Variants in POLR3A observed in about 807,000 individuals in gnomAD.
POLR3A encodes RNA polymerase III subunit A.
A neutral mutation model predicts 152.8 loss-of-function variants in POLR3A; 112 were observed. The observed-to-expected ratio is 0.73, with a 90% CI of 0.63 to 0.86. The LOEUF (loss-of-function observed/expected upper bound fraction) is 0.86, where lower values mean the gene tolerates loss of function less well. Among genes scored for constraint, POLR3A ranks in the 40% least tolerant of loss-of-function variants. The pLI is 0.00. For missense variants in POLR3A, 1,385 were observed against 1,743.1 expected (o/e 0.79, Z 3.66); for synonymous variants, 615 against 652.1 (o/e 0.94, Z 0.87).
intron 30 of POLR3A, among the ~76,000 whole-genome samples, chr10:77,979,757 ACTCTG>A (rs1847122556): frequency 6.6e-6 from 1 of 152,126 alleles, no homozygotes; most frequent in African/African-American, 2.4e-5. Flanking sequence ...ACAGTAGGAC[ACTCTG>A]CTCTGCCCAG....
intron 21 of POLR3A, among the ~76,000 whole-genome samples, chr10:77,988,025 C>T (rs1195884575): frequency 1.3e-5 from 2 of 152,174 alleles, no homozygotes; most frequent in Admixed American, 6.5e-5. Flanking sequence ...TGGGAAATTC[C>T]GTCTGTCTCC....
chr10:78,001,059 C>G lies in POLR3A; in HGVS notation c.2395G>C (p.Val799Leu), dbSNP rs780451680. The change falls in exon 18 of 31, where the codon GTG (valine) becomes CTG (leucine). Residue 799 changes from valine to leucine, a missense_variant. By Grantham distance (32) the Val-to-Leu change is conservative. Around this residue, in one of 7 missense-constraint regions of POLR3A, gnomAD observed 170 missense variants for 231.2 expected, o/e 0.74. Transcript: ENST00000372371. Reference protein sequence around the residue: ...FINISQMIACVGQQAISGSRV... With the variant: ...FINISQMIACLGQQAISGSRV... Reference sequence around the variant, plus strand: ...GAGCCACTGATGGCCTGCTGTCCCACACAGGCAATCATCTGTGATATGTTA... The same window carrying G: ...GAGCCACTGATGGCCTGCTGTCCCAGACAGGCAATCATCTGTGATATGTTA... The G allele has an allele frequency of 1.2e-6, 2 of 1,608,572 alleles. No individual in the cohort carries two copies. Among genetic ancestry groups the G allele is most frequent in the Admixed American group, 3.3e-5 (2 of 59,996 alleles).
chr10:77,983,190 T>G (rs78248346), intron 26 of POLR3A, among the ~76,000 whole-genome samples: 2,654 of 152,268 alleles, frequency 0.017, 96 homozygotes, highest in African/African-American at 0.061. Context: ...ATGGTTCATG[T>G]GCTACGTTCC....
rs1246411259 is a variant in POLR3A, at chr10:77,980,209, G to A, written c.3956C>T (p.Ala1319Val). Reference sequence around the variant, plus strand: ...ATGGTCAGCCGTCTTCTCAAAGGAGGCCAGCATCAGCACACTCTCCTTCAT... The same window carrying A: ...ATGGTCAGCCGTCTTCTCAAAGGAGACCAGCATCAGCACACTCTCCTTCAT... ...AKMKESVLML[A>V]SFEKTADHLF... Residue 1319 changes from alanine to valine, a missense_variant, in exon 30 of 31, where the codon GCC becomes GTC. Ala to Val is a moderately conservative substitution (Grantham distance 64). Coordinates refer to ENST00000372371, the MANE Select transcript of POLR3A (RefSeq NM_007055.4). 6.2e-7 allele frequency: 1 copy of A among 1,613,512 alleles called. No homozygotes were observed. The highest frequency in any genetic ancestry group is 2.2e-5 in the East Asian group (1 of 44,868).
Position 77,977,354 on chromosome 10 carries a change from T to A in POLR3A, c.*124A>T, listed in dbSNP as rs375589784. 3.1e-5 allele frequency: 30 copies of A among 969,712 alleles called. No individual in the cohort carries two copies. The highest frequency in any genetic ancestry group is 2.1e-4 in the South Asian group (16 of 76,844). 60.1% of individuals were successfully genotyped at this position (969,712 alleles called of 1,614,324 possible). On this transcript the variant is annotated 3_prime_UTR_variant, in exon 31 of 31. Coordinates refer to ENST00000372371, the MANE Select transcript of POLR3A (RefSeq NM_007055.4). ...TGCTCCTGGGGATGCCAAGAGGGCTTCTCTGATTGCTGGCATAGGTGGGGA... is the reference window on the plus strand; with the variant it reads ...TGCTCCTGGGGATGCCAAGAGGGCTACTCTGATTGCTGGCATAGGTGGGGA...
intron 28 of POLR3A, 109 bp downstream of exon 28, chr10:77,982,045 A>AAAG: frequency 1.6e-6 from 1 of 609,404 alleles, no homozygotes. Flanking sequence ...TCTCAAAAAA[A>AAAG]AAAAAAAAAA....
intron 19 of POLR3A, among the ~76,000 whole-genome samples, chr10:77,995,211 C>T (rs948004215): frequency 6.6e-6 from 1 of 152,144 alleles, no homozygotes; most frequent in African/African-American, 2.4e-5. Context: ...AAAAACATGC[C>T]AAATTGTAAA....
intron 16 of POLR3A, 93 bp downstream of exon 16, chr10:78,004,623 A>T: frequency 1.0e-6 from 1 of 1,001,548 alleles, no homozygotes; most frequent in Non-Finnish European, 1.5e-6. Context: ...CTCCTTTGCT[A>T]CCTCTATTCA....
intron 30 of POLR3A, among the ~76,000 whole-genome samples, chr10:77,977,943 C>T (rs1847105419): frequency 6.6e-6 from 1 of 152,164 alleles, no homozygotes; most frequent in Non-Finnish European, 1.5e-5. Context: ...CCTTTGAGAA[C>T]ACAACTTAGC....
rs777636313 is a variant in POLR3A at position 77,983,965 on chromosome 10, A to G, written c.3384T>C (p.Ile1128=). 1.9e-6 allele frequency: 3 copies of G among 1,613,052 alleles called. No individual in the cohort carries two copies. In the South Asian group the frequency reaches 3.3e-5, roughly 18 times the overall value. Residue 1128 remains isoleucine (I), a synonymous_variant, in exon 26 of 31, where the codon ATT becomes ATC. Transcript: ENST00000372371. ...TCCGTTCCAGGGAGAGCTTGACGAGAATAAAGCAGTCATCAGGAAGAAACA... is the reference window on the plus strand; with the variant it reads ...TCCGTTCCAGGGAGAGCTTGACGAGGATAAAGCAGTCATCAGGAAGAAACA... ...EEVFLPDDCF[I]LVKLSLERIR... is the part of the protein sequence containing the mutation.
At position 78,021,921 on chromosome 10, in the gene POLR3A, G is replaced by A. The variant is rs1195591104; in HGVS notation, c.987C>T (p.Pro329=). 6.2e-7 allele frequency: 1 copy of A among 1,614,114 alleles called. No homozygotes were observed. Among genetic ancestry groups the A allele is most frequent in the Non-Finnish European group, 8.5e-7 (1 of 1,180,024 alleles). Residue 329 remains proline, a synonymous_variant, in exon 7 of 31, where the codon CCC becomes CCT. Coordinates refer to ENST00000372371, the MANE Select transcript of POLR3A (RefSeq NM_007055.4). ...TCCACTTCTTGGGTGCCATGTTGAG[G>A]GGAATGCCCGAGAGCTCACTGTTAA... ...LYINSELSGI[P]LNMAPKKWTR...
intron 8 of POLR3A, 171 bp from the exon 9 acceptor site, chr10:78,019,436 C>T: frequency 1.1e-5 from 7 of 619,990 alleles, no homozygotes; most frequent in Non-Finnish European, 2.0e-5. Flanking sequence ...AACAGACTGG[C>T]AAACAAGCTT....
At chr10:78,004,325 G>A (rs939965375) in intron 16 of POLR3A, among the ~76,000 whole-genome samples, 18 of 152,182 alleles carry the variant, frequency 1.2e-4, no homozygotes, top group Admixed American at 5.2e-4. Context: ...CTACTTGAAG[G>A]ATGCTGAAAA....
At position 77,985,947 on chromosome 10, in the gene POLR3A, G is replaced by T; in HGVS notation, c.3027C>A (p.Thr1009=). ...VLYQLDRITP[T]QVEKFLETCR... ...AGGTCTCCAGAAACTTTTCTACTTG[G>T]GTGGGGGTGATGCGGTCCAGCTGGT... is the stretch of plus-strand genomic sequence containing the variant. Residue 1009 remains threonine, a synonymous_variant, in exon 23 of 31, where the codon ACC becomes ACA. Coordinates refer to ENST00000372371, the MANE Select transcript of POLR3A (RefSeq NM_007055.4). The T allele has an allele frequency of 2.5e-6, 4 of 1,614,108 alleles. No homozygotes were observed. Among genetic ancestry groups the T allele is most frequent in the Non-Finnish European group, 3.4e-6 (4 of 1,180,018 alleles).
At chr10:78,014,129 C>G (rs1327005548) in intron 10 of POLR3A, among the ~76,000 whole-genome samples, 2 of 151,456 alleles carry the variant, frequency 1.3e-5, no homozygotes, top group African/African-American at 4.8e-5. Context: ...TGCACCCCAG[C>G]CTGGGTGATA....
Position 77,991,056 on chromosome 10 carries a change from G to A in POLR3A, c.2899C>T (p.Gln967Ter). The change falls in exon 21 of 31, where the codon CAG becomes TAG. Residue 967 changes from glutamine (Q) to a stop codon, truncating the protein, a stop_gained and splice_region_variant. Transcript: ENST00000372371. LOFTEE classifies it high-confidence loss of function. ...AGCCAGCACCTGGCAGAGCTCACCT[G>A]CAGGAAGCTGTCCTGGCAGCAGAGG... is the stretch of plus-strand genomic sequence containing the variant. Reference protein sequence around the residue: ...EFLCCQDSFLQEIKKFIKGVS... With the variant: ...EFLCCQDSFL The A allele has an allele frequency of 6.3e-7, 1 of 1,577,252 alleles. No homozygotes were observed. The highest frequency in any genetic ancestry group is 1.1e-5 in the South Asian group (1 of 90,246).
chr10:78,023,820 TA>T (rs202096578), intron 5 of POLR3A, among the ~76,000 whole-genome samples: 9 of 148,558 alleles, frequency 6.1e-5, no homozygotes, highest in African/African-American at 1.5e-4. Flanking sequence ...AAAATAATAA[TA>T]AAAAAAAAGA....
chr10:77,980,087 C>T, intron 30 of POLR3A, 54 bp downstream of exon 30: 1 of 1,544,668 alleles, frequency 6.5e-7, no homozygotes, highest in Non-Finnish European at 9.0e-7. Context: ...TAGCCATGGT[C>T]TATTTGTAAA....
intron 29 of POLR3A, 58 bp from the exon 30 acceptor site, chr10:77,980,331 C>T: frequency 6.4e-7 from 1 of 1,569,994 alleles, no homozygotes; most frequent in Non-Finnish European, 8.8e-7. Flanking sequence ...AAGCTCGAAA[C>T]CAAAGCACGG....
Sources: gnomAD v4.1 joint callset for allele counts (sites outside exome capture counted in the v4.1 genomes callset) on GRCh38, gnomAD v4.1.1 for gene constraint, gnomAD v4.1.1 regional missense constraint, MANE v1.5 for transcripts, NCBI Gene and HGNC (gene_info 2026-07-23, HGNC 2026-07-21) for gene names.